Variants in BICC1 observed in about 807,000 individuals in gnomAD.
BICC1 encodes the protein protein bicaudal C homolog 1.
BICC1 carries 43 observed loss-of-function variants against 111.0 expected under a neutral mutation model. The observed-to-expected ratio is 0.39, with a 90% CI of 0.30 to 0.50. BICC1 has a LOEUF of 0.50. BICC1 is among the 20% of genes least tolerant of loss of function. The pLI is 0.88. For synonymous variants in BICC1, 467 were observed against 434.4 expected (o/e 1.07, Z -0.93); for missense variants, 1,091 against 1,203.2 (o/e 0.91, Z 1.38).
intron 3 of BICC1, among the ~76,000 whole-genome samples, chr10:58,730,624 A>G (rs558294560): frequency 6.6e-6 from 1 of 151,954 alleles, no homozygotes; most frequent in South Asian, 2.1e-4. Context: ...TTGGACATCT[A>G]GGCTTTTTCA....
chr10:58,779,079 C>T (rs1842819481), intron 3 of BICC1, among the ~76,000 whole-genome samples: 1 of 152,038 alleles, frequency 6.6e-6, no homozygotes, highest in African/African-American at 2.4e-5. Context: ...TTATTTGGCC[C>T]ATGTACAGTT....
intron 2 of BICC1, among the ~76,000 whole-genome samples, chr10:58,664,830 A>G (rs913999315): frequency 2.0e-5 from 3 of 152,014 alleles, no homozygotes; most frequent in South Asian, 2.1e-4. Flanking sequence ...GTTCGTTAAT[A>G]TAGGGGAGTG....
chr10:58,594,672 T>A (rs1844751996), intron 1 of BICC1, among the ~76,000 whole-genome samples: 1 of 152,142 alleles, frequency 6.6e-6, no homozygotes, highest in Admixed American at 6.5e-5. Flanking sequence ...AACAAGCAAA[T>A]GCTGAGAGAT....
chr10:58,753,538 AT>A (rs372285350), intron 3 of BICC1, among the ~76,000 whole-genome samples: 1 of 152,166 alleles, frequency 6.6e-6, no homozygotes, highest in South Asian at 2.1e-4. Context: ...GAGGGATCCA[AT>A]TTTTTTCCAC....
chr10:58,572,689 G>A (rs1843996697), intron 1 of BICC1, among the ~76,000 whole-genome samples: 1 of 152,028 alleles, frequency 6.6e-6, no homozygotes, highest in South Asian at 2.1e-4. Flanking sequence ...ATGTCTACCT[G>A]TAGATATATA....
At chr10:58,651,916 T>G (rs1489736946) in intron 2 of BICC1, among the ~76,000 whole-genome samples, 1 of 152,118 alleles carries the variant, frequency 6.6e-6, no homozygotes, top group East Asian at 1.9e-4. Context: ...GATAACAGGA[T>G]TAAGATGGTT....
intron 7 of BICC1, 46 bp downstream of exon 7, chr10:58,789,502 A>T (rs774743983): frequency 6.5e-7 from 1 of 1,539,216 alleles, no homozygotes; most frequent in Non-Finnish European, 8.8e-7. Context: ...TACAAGTTAC[A>T]TGAGTTTCAT....
chr10:58,557,680 GTT>G (rs752285498), intron 1 of BICC1, among the ~76,000 whole-genome samples: 12 of 151,940 alleles, frequency 7.9e-5, no homozygotes, highest in Non-Finnish European at 1.5e-4. Context: ...CAAAGATGTA[GTT>G]TTCATCTTGA....
chr10:58,560,198 C>T (rs1417786300), intron 1 of BICC1, among the ~76,000 whole-genome samples: 1 of 151,826 alleles, frequency 6.6e-6, no homozygotes, highest in African/African-American at 2.4e-5. Context: ...CATTCTTGAG[C>T]TTTTCTTTGT....
Position 58,798,424 on chromosome 10 carries a change from T to G in BICC1, c.1392T>G (p.Ser464=). ...GLGLLGPTTL[S]LNTSTTPNSL... Reference sequence around the variant, plus strand: ...GTCTTTTGGGACCCACCACCTTATCTCTGAACACTTCAACAACCCCAAACT... The same window carrying G: ...GTCTTTTGGGACCCACCACCTTATCGCTGAACACTTCAACAACCCCAAACT... Residue 464 remains serine, a synonymous_variant, in exon 11 of 21, where the codon TCT becomes TCG. Transcript: ENST00000373886. 1 of 1,609,050 alleles carries G rather than the reference T, an allele frequency of 6.2e-7. No individual in the cohort carries two copies. Among genetic ancestry groups the G allele is most frequent in the Non-Finnish European group, 8.5e-7 (1 of 1,178,016 alleles).
intron 2 of BICC1, among the ~76,000 whole-genome samples, chr10:58,628,592 C>G (rs1380851472): frequency 2.0e-5 from 3 of 152,114 alleles, no homozygotes; most frequent in Admixed American, 6.6e-5. Context: ...CCTTATCATT[C>G]TTTTCGCTTT....
chr10:58,534,648 G>A (rs974797160), intron 1 of BICC1, among the ~76,000 whole-genome samples: 2 of 151,378 alleles, frequency 1.3e-5, no homozygotes, highest in African/African-American at 4.8e-5. Flanking sequence ...CAAATGAGAA[G>A]GAACCAGAAA....
At chr10:58,821,698 T>A (rs1844255400) in intron 20 of BICC1, among the ~76,000 whole-genome samples, 1 of 152,260 alleles carries the variant, frequency 6.6e-6, no homozygotes, top group Admixed American at 6.5e-5. Context: ...AGAGGCTCTA[T>A]TAATGGAACT....
At chr10:58,596,891 A>G (rs546910340) in intron 1 of BICC1, among the ~76,000 whole-genome samples, 6 of 152,362 alleles carry the variant, frequency 3.9e-5, no homozygotes, top group African/African-American at 1.4e-4. Context: ...CCACTGCTCA[A>G]GGAAATAGGA....
At chr10:58,754,230 C>T (rs2132655013) in intron 3 of BICC1, among the ~76,000 whole-genome samples, 1 of 152,218 alleles carries the variant, frequency 6.6e-6, no homozygotes, top group South Asian at 2.1e-4. Flanking sequence ...TTACTCTTGT[C>T]TCCTTACAGT....
intron 2 of BICC1, 106 bp downstream of exon 2, chr10:58,621,007 C>T: frequency 1.1e-6 from 1 of 918,482 alleles, no homozygotes. Context: ...TGGAGGAGAA[C>T]AGGTTTCTAT....
intron 14 of BICC1, among the ~76,000 whole-genome samples, chr10:58,801,486 A>T (rs917118257): frequency 5.9e-5 from 9 of 152,182 alleles, no homozygotes; most frequent in African/African-American, 2.2e-4. Context: ...TGACATTATC[A>T]TGACTTTGTT....
At chr10:58,802,516 CT>C (rs946578546) in intron 14 of BICC1, among the ~76,000 whole-genome samples, 3 of 152,176 alleles carry the variant, frequency 2.0e-5, no homozygotes, top group Non-Finnish European at 4.4e-5. Flanking sequence ...CTAAGAAGCA[CT>C]TTTACGCTCT....
chr10:58,716,599 A>T (rs1447045407), intron 3 of BICC1, among the ~76,000 whole-genome samples: 1 of 152,254 alleles, frequency 6.6e-6, no homozygotes, highest in Admixed American at 6.5e-5. Context: ...AGGATAAACC[A>T]ACAGAAATTG....
Sources: allele counts gnomAD v4.1 joint callset (sites outside exome capture counted in the v4.1 genomes callset), GRCh38; gene constraint gnomAD v4.1.1; transcripts MANE v1.5; gene names NCBI Gene and HGNC (gene_info 2026-07-23, HGNC 2026-07-21).